The following PTPRJ variants were observed in gnomAD, a reference collection of about 807,000 sequenced individuals.
PTPRJ encodes protein tyrosine phosphatase receptor type J.
PTPRJ carries 129 observed loss-of-function variants against 141.3 expected under a neutral mutation model. The observed-to-expected ratio is 0.91, with a 90% CI of 0.79 to 1.06. The LOEUF (loss-of-function observed/expected upper bound fraction) is 1.06. PTPRJ is among the 50% of genes least tolerant of loss of function. PTPRJ has a pLI of 0.00. For synonymous variants in PTPRJ, 610 were observed against 640.5 expected (o/e 0.95, Z 0.72); for missense variants, 1,601 against 1,679.7 (o/e 0.95, Z 0.82).
chr11:47,984,842 A>G (rs1399826720), intron 1 of PTPRJ, among the ~76,000 whole-genome samples: 2 of 149,198 alleles, frequency 1.3e-5, no homozygotes, highest in Non-Finnish European at 3.0e-5. Flanking sequence ...TATAGGCGTG[A>G]GCCACTGTGC....
At chr11:48,137,406 C>A in intron 10 of PTPRJ, 125 bp downstream of exon 10, 2 of 1,033,422 alleles carry the variant, frequency 1.9e-6, no homozygotes, top group East Asian at 2.4e-5. Flanking sequence ...TTGAGCTTTC[C>A]GAGGCATCCT....
At chr11:48,059,083 T>G (rs957790790) in intron 1 of PTPRJ, among the ~76,000 whole-genome samples, 2 of 143,796 alleles carry the variant, frequency 1.4e-5, no homozygotes, top group Non-Finnish European at 3.1e-5. Context: ...CGATCAGTAC[T>G]CCTGATCGCT....
At position 48,083,944 on chromosome 11, in the gene PTPRJ, T is replaced by C. The variant is rs552250229; in HGVS notation, c.97-26114T>C. Among the ~76,000 whole-genome samples the C allele has an allele frequency of 2.0e-5, 3 of 152,282 alleles. No individual in the cohort carries two copies. In the South Asian group the frequency reaches 6.2e-4, roughly 32 times the overall value. The stretch of plus-strand genomic sequence containing the variant: ...TTGTCCTTTCACTCTCATTCCCTCA[T>C]GTATGCAAATCTCAGTGAACTGATA... On this transcript the variant is annotated intron_variant, in intron 1 of 24. Coordinates refer to ENST00000418331, the MANE Select transcript of PTPRJ (RefSeq NM_002843.4).
chr11:48,120,018 G>A (rs1043941478), intron 3 of PTPRJ, among the ~76,000 whole-genome samples: 1 of 152,192 alleles, frequency 6.6e-6, no homozygotes, highest in Non-Finnish European at 1.5e-5. Context: ...GAGGTGAGAT[G>A]ACTTTGAGTA....
At chr11:48,042,578 C>T (rs2134237621) in intron 1 of PTPRJ, among the ~76,000 whole-genome samples, 1 of 152,210 alleles carries the variant, frequency 6.6e-6, no homozygotes. Flanking sequence ...TGATGTTCTG[C>T]CAATGATTGG....
chr11:48,142,465 A>G (rs1857254259), intron 11 of PTPRJ, among the ~76,000 whole-genome samples: 1 of 152,136 alleles, frequency 6.6e-6, no homozygotes, highest in Non-Finnish European at 1.5e-5. Flanking sequence ...AAGTCTTCCA[A>G]TCCATGAGCA....
At chr11:48,046,005 CA>C (rs1318030809) in intron 1 of PTPRJ, among the ~76,000 whole-genome samples, 1 of 152,100 alleles carries the variant, frequency 6.6e-6, no homozygotes, top group Non-Finnish European at 1.5e-5. Flanking sequence ...CCTTATGGAG[CA>C]CCTAGGTTGA....
intron 1 of PTPRJ, among the ~76,000 whole-genome samples, chr11:48,007,463 A>G (rs1196859625): frequency 1.3e-5 from 2 of 151,096 alleles, no homozygotes; most frequent in African/African-American, 2.4e-5. Flanking sequence ...ACTGTAGTGC[A>G]GTGGCACAAT....
chr11:48,028,996 G>T (rs769317913), intron 1 of PTPRJ, among the ~76,000 whole-genome samples: 1 of 152,238 alleles, frequency 6.6e-6, no homozygotes, highest in Non-Finnish European at 1.5e-5. Flanking sequence ...GTTTCAGACC[G>T]TTTTCTGGTA....
At chr11:48,028,424 G>C (rs1281094592) in intron 1 of PTPRJ, among the ~76,000 whole-genome samples, 1 of 152,176 alleles carries the variant, frequency 6.6e-6, no homozygotes, top group African/African-American at 2.4e-5. Flanking sequence ...CCTTGTGTGG[G>C]CTGGGTGCAG....
chr11:48,134,584 A>T (rs537944415), intron 8 of PTPRJ, among the ~76,000 whole-genome samples: 32 of 152,070 alleles, frequency 2.1e-4, no homozygotes, highest in African/African-American at 6.3e-4. Context: ...ACATGGCACA[A>T]TTTTTTTTGT....
At chr11:48,154,293 G>T (rs1856824676) in intron 19 of PTPRJ, among the ~76,000 whole-genome samples, 1 of 152,178 alleles carries the variant, frequency 6.6e-6, no homozygotes, top group African/African-American at 2.4e-5. Context: ...TATAATTCTG[G>T]AATGAAAGTG....
intron 1 of PTPRJ, among the ~76,000 whole-genome samples, chr11:48,102,114 G>A (rs1175308710): frequency 6.6e-6 from 1 of 152,170 alleles, no homozygotes; most frequent in East Asian, 1.9e-4. Flanking sequence ...AGGGACATTT[G>A]GGGACATAAA....
intron 1 of PTPRJ, among the ~76,000 whole-genome samples, chr11:48,062,499 C>T (rs4508163): frequency 0.3 from 45,453 of 151,068 alleles, 7,364 homozygotes; most frequent in African/African-American, 0.43. Flanking sequence ...GGCGACAGAG[C>T]GAGACTCCAT....
Position 48,045,584 on chromosome 11 carries a change from G to A in PTPRJ, c.97-64474G>A, listed in dbSNP as rs151096213. Among the ~76,000 whole-genome samples the A allele has an allele frequency of 9.8e-3, 1,493 of 152,260 alleles. 19 individuals carry two copies. Among genetic ancestry groups the A allele is most frequent in the Middle Eastern group, 0.034 (10 of 294 alleles). On this transcript the variant is annotated intron_variant, in intron 1 of 24. Transcript: ENST00000418331. ...AGTTTGGTTTTCTTCCCTTCTCTCC[G>A]CCTCCCTTTTCTCTGCCCGCCTGTG...
At chr11:48,122,484 T>G (rs1856729528) in intron 4 of PTPRJ, among the ~76,000 whole-genome samples, 1 of 152,190 alleles carries the variant, frequency 6.6e-6, no homozygotes, top group East Asian at 1.9e-4. Context: ...CTCTCTGTCC[T>G]TAATGTTATT....
intron 1 of PTPRJ, among the ~76,000 whole-genome samples, chr11:48,022,778 G>A (rs1033052756): frequency 6.6e-6 from 1 of 152,184 alleles, no homozygotes; most frequent in Non-Finnish European, 1.5e-5. Context: ...ATTTTGGTTT[G>A]TGGGAAGAAA....
rs970476068 is a variant in PTPRJ, at chr11:48,170,662, T to C, written c.*3300T>C. The C allele has an allele frequency of 6.6e-6, 1 of 152,136 alleles. No homozygotes were observed. The highest frequency in any genetic ancestry group is 1.5e-5 in the Non-Finnish European group (1 of 68,030). 9.4% of individuals were successfully genotyped at this position (152,136 alleles called of 1,614,324 possible). A position where few individuals can be genotyped will look rare whatever the true frequency, so the allele number is the denominator to read the frequency against. On this transcript the variant is annotated 3_prime_UTR_variant, in exon 25 of 25. Coordinates refer to ENST00000418331, the MANE Select transcript of PTPRJ (RefSeq NM_002843.4). ...GGCACATACAAATAGGATGTGTTGATGTGGACTCTAAACTGTAATTTTCCT... is the reference window on the plus strand; with the variant it reads ...GGCACATACAAATAGGATGTGTTGACGTGGACTCTAAACTGTAATTTTCCT...
chr11:47,991,093 C>T (rs1275384089), intron 1 of PTPRJ, among the ~76,000 whole-genome samples: 1 of 152,082 alleles, frequency 6.6e-6, no homozygotes, highest in Non-Finnish European at 1.5e-5. Context: ...CACACACAGA[C>T]ACACGCAAAT....
Sources: gnomAD v4.1 joint callset for allele counts (sites outside exome capture counted in the v4.1 genomes callset) on GRCh38, gnomAD v4.1.1 for gene constraint, MANE v1.5 for transcripts, NCBI Gene and HGNC (gene_info 2026-07-23, HGNC 2026-07-21) for gene names.